The following RAB3C variants were observed in gnomAD, a reference collection of about 807,000 sequenced individuals.
The protein encoded by RAB3C is ras-related protein Rab-3C.
RAB3C carries 17 observed loss-of-function variants against 26.4 expected under a neutral mutation model. The ratio of observed to expected loss-of-function variants is 0.64; its 90% CI spans 0.44 to 0.97. The LOEUF is 0.97. RAB3C is among the 50% of genes least tolerant of loss of function. The probability of loss-of-function intolerance (pLI) is 0.00; values close to 1 mark genes in which losing one functional copy is unlikely to be tolerated. For synonymous variants in RAB3C, 91 were observed against 95.9 expected (o/e 0.95, Z 0.30); for missense variants, 242 against 281.9 (o/e 0.86, Z 1.01).
At chr5:58,766,820 G>T (rs1000849972) in intron 3 of RAB3C, among the ~76,000 whole-genome samples, 6 of 152,154 alleles carry the variant, frequency 3.9e-5, no homozygotes, top group Non-Finnish European at 5.9e-5. Context: ...GAGTAACACA[G>T]GCTAGCATGT....
intron 2 of RAB3C, among the ~76,000 whole-genome samples, chr5:58,623,339 C>T (rs1243056606): frequency 2.6e-5 from 4 of 152,130 alleles, no homozygotes; most frequent in Non-Finnish European, 1.5e-5. Context: ...GTCACCCTAC[C>T]CATTGATTCC....
chr5:58,596,490 T>C (rs1461896175), intron 1 of RAB3C, among the ~76,000 whole-genome samples: 1 of 137,634 alleles, frequency 7.3e-6, no homozygotes, highest in South Asian at 2.1e-4. Context: ...ATATAGTAAA[T>C]ATATATATAA....
intron 1 of RAB3C, among the ~76,000 whole-genome samples, chr5:58,612,538 A>ATATATATG (rs1561266446): frequency 3.2e-4 from 21 of 64,692 alleles, no homozygotes; most frequent in African/African-American, 1.1e-3. Flanking sequence ...ATATATATAT[A>ATATATATG]TATATATATG....
At chr5:58,773,969 T>G (rs531160602) in intron 3 of RAB3C, among the ~76,000 whole-genome samples, 50 of 152,250 alleles carry the variant, frequency 3.3e-4, no homozygotes, top group Non-Finnish European at 6.2e-4. Flanking sequence ...GTGTCCTAAC[T>G]ACCTTCCATT....
Position 58,746,200 on chromosome 5 carries a change from G to T in RAB3C, c.371+20080G>T, listed in dbSNP as rs529824806. 7.0e-4 allele frequency among the ~76,000 whole-genome samples: 106 copies of T among 152,206 alleles called. 2 individuals carry two copies. The highest frequency in any genetic ancestry group is 5.4e-3 in the Admixed American group (83 of 15,298). On this transcript the variant is annotated intron_variant, in intron 3 of 4. Transcript: ENST00000282878. Reference sequence around the variant, plus strand: ...TGAATATAAACAGAAGGGTCTTTTTGTTCCTTTGCTGAAGCAAAGGAAACT... The same window carrying T: ...TGAATATAAACAGAAGGGTCTTTTTTTTCCTTTGCTGAAGCAAAGGAAACT...
At chr5:58,647,174 A>G (rs1179068765) in intron 2 of RAB3C, among the ~76,000 whole-genome samples, 1 of 152,266 alleles carries the variant, frequency 6.6e-6, no homozygotes, top group African/African-American at 2.4e-5. Flanking sequence ...CTTTGTAGCT[A>G]CAAAGATACT....
intron 2 of RAB3C, among the ~76,000 whole-genome samples, chr5:58,655,891 G>T (rs1747760586): frequency 6.7e-6 from 1 of 150,172 alleles, no homozygotes; most frequent in African/African-American, 2.5e-5. Context: ...CGCCTCCCGG[G>T]TTCACGCCTT....
At chr5:58,845,411 G>C (rs1468631427) in intron 4 of RAB3C, among the ~76,000 whole-genome samples, 1 of 151,680 alleles carries the variant, frequency 6.6e-6, no homozygotes, top group African/African-American at 2.4e-5. Flanking sequence ...TCTCCATTGA[G>C]ACCAGAGCAA....
chr5:58,758,813 A>G (rs1285693655), intron 3 of RAB3C, among the ~76,000 whole-genome samples: 2 of 152,202 alleles, frequency 1.3e-5, no homozygotes, highest in Non-Finnish European at 2.9e-5. Flanking sequence ...GTGATCTCTC[A>G]TGAATGTTTG....
At chr5:58,656,478 C>G (rs1747774603) in intron 2 of RAB3C, among the ~76,000 whole-genome samples, 1 of 151,632 alleles carries the variant, frequency 6.6e-6, no homozygotes, top group South Asian at 2.1e-4. Flanking sequence ...ATTGTATGCC[C>G]AAAATGTGTA....
intron 4 of RAB3C, among the ~76,000 whole-genome samples, chr5:58,847,962 T>A (rs1206520529): frequency 6.6e-6 from 1 of 152,176 alleles, no homozygotes; most frequent in Non-Finnish European, 1.5e-5. Context: ...GTTCAAGCGA[T>A]TCTCCTGGCT....
intron 1 of RAB3C, among the ~76,000 whole-genome samples, chr5:58,611,389 T>A (rs1746697607): frequency 6.6e-6 from 1 of 152,146 alleles, no homozygotes; most frequent in African/African-American, 2.4e-5. Context: ...CTTGCCAGAA[T>A]CTGTTATTTT....
chr5:58,613,252 C>A lies in RAB3C; in HGVS notation c.25-4391C>A, dbSNP rs114993474. Among the ~76,000 whole-genome samples, 401 of 152,212 alleles carry A rather than the reference C, an allele frequency of 2.6e-3. 2 individuals carry two copies. The highest frequency in any genetic ancestry group is 9.0e-3 in the African/African-American group (372 of 41,540). On this transcript the variant is annotated intron_variant, in intron 1 of 4. Coordinates refer to ENST00000282878, the MANE Select transcript of RAB3C (RefSeq NM_138453.4). ...TTGAACCAAGGCCTACCTGGAGCAA[C>A]AACACAGTGGCTTTCCAAGACACCA...
intron 3 of RAB3C, among the ~76,000 whole-genome samples, chr5:58,747,013 C>T (rs1741415449): frequency 6.6e-6 from 1 of 152,148 alleles, no homozygotes; most frequent in African/African-American, 2.4e-5. Flanking sequence ...ATTATTTTGC[C>T]AGAAACTTTT....
intron 2 of RAB3C, among the ~76,000 whole-genome samples, chr5:58,700,764 T>C (rs990263862): frequency 2.0e-5 from 3 of 152,190 alleles, no homozygotes; most frequent in African/African-American, 7.2e-5. Context: ...TAGATATTCC[T>C]GTCTGTTCCA....
At chr5:58,615,174 A>T (rs1313629177) in intron 1 of RAB3C, among the ~76,000 whole-genome samples, 2 of 152,040 alleles carry the variant, frequency 1.3e-5, no homozygotes, top group African/African-American at 4.8e-5. Context: ...CTTCATTACA[A>T]CTTTTGAGGT....
At chr5:58,782,470 T>C (rs1742292545) in intron 3 of RAB3C, among the ~76,000 whole-genome samples, 2 of 152,186 alleles carry the variant, frequency 1.3e-5, no homozygotes, top group South Asian at 4.1e-4. Flanking sequence ...CAAATGTGAA[T>C]ACTCATTATG....
chr5:58,683,417 A>C (rs910018281), intron 2 of RAB3C, among the ~76,000 whole-genome samples: 1 of 152,088 alleles, frequency 6.6e-6, no homozygotes, highest in South Asian at 2.1e-4. Context: ...TTGTACATGG[A>C]ACCAGTTATG....
At chr5:58,813,621 TATATATATATATACACAC>T (rs1561139467) in intron 3 of RAB3C, among the ~76,000 whole-genome samples, 5 of 86,792 alleles carry the variant, frequency 5.8e-5, no homozygotes, top group Non-Finnish European at 8.8e-5. Flanking sequence ...TATATATATA[TATATATATATATACACAC>T]ACACACACAC....
Sources: gnomAD v4.1 joint callset for allele counts (sites outside exome capture counted in the v4.1 genomes callset) on GRCh38, gnomAD v4.1.1 for gene constraint, MANE v1.5 for transcripts, NCBI Gene and HGNC (gene_info 2026-07-23, HGNC 2026-07-21) for gene names.